CYTH1: variants seen among roughly 807,000 people sequenced by gnomAD.
CYTH1 encodes the protein cytohesin-1.
CYTH1 carries 18 observed loss-of-function variants against 61.8 expected under a neutral mutation model. The observed-to-expected ratio is 0.29, with a 90% confidence interval of 0.20 to 0.43. The LOEUF is 0.43. CYTH1 is among the 20% of genes least tolerant of loss of function. The probability of loss-of-function intolerance (pLI) is 1.00; values close to 1 mark genes in which losing one functional copy is unlikely to be tolerated. For missense variants in CYTH1, 336 were observed against 510.5 expected, an observed-to-expected ratio of 0.66 and a Z score of 3.29; for synonymous variants, 174 against 184.3, an observed-to-expected ratio of 0.94 and a Z score of 0.45.
chr17:78,696,921 G>T (rs750981114), intron 9 of CYTH1: 1 of 152,176 alleles, frequency 6.6e-6, no homozygotes, highest in African/African-American at 2.4e-5. Flanking sequence ...ATGTGGAAGG[G>T]AAGGCTGCCT....
intron 1 of CYTH1, among the ~76,000 whole-genome samples, chr17:78,781,706 A>G (rs2093518688): frequency 6.6e-6 from 1 of 151,952 alleles, no homozygotes; most frequent in South Asian, 2.1e-4. Context: ...AACTGCGGGG[A>G]ACGCGGGCCC....
intron 1 of CYTH1, among the ~76,000 whole-genome samples, chr17:78,756,875 G>A (rs182064285): frequency 3.3e-5 from 5 of 151,614 alleles, no homozygotes; most frequent in African/African-American, 1.2e-4. Context: ...GATGCTGAGA[G>A]GTTAGGAACA....
chr17:78,779,045 G>A (rs988485595), intron 1 of CYTH1, among the ~76,000 whole-genome samples: 5 of 152,148 alleles, frequency 3.3e-5, no homozygotes, highest in Admixed American at 6.5e-5. Context: ...GTGACCCTCT[G>A]GGTGGGGAAT....
At chr17:78,765,196 G>A (rs550005337) in intron 1 of CYTH1, among the ~76,000 whole-genome samples, 12 of 152,202 alleles carry the variant, frequency 7.9e-5, no homozygotes, top group African/African-American at 2.9e-4. Context: ...AGGAACAGGA[G>A]CAGGATCACC....
chr17:78,737,506 A>C (rs538983296), intron 1 of CYTH1, among the ~76,000 whole-genome samples: 122 of 152,178 alleles, frequency 8.0e-4, no homozygotes, highest in Non-Finnish European at 1.5e-3. Context: ...TCACAATGAG[A>C]TAATAGCCCA....
intron 1 of CYTH1, among the ~76,000 whole-genome samples, chr17:78,744,486 G>A (rs2093352459): frequency 6.6e-6 from 1 of 152,186 alleles, no homozygotes; most frequent in Non-Finnish European, 1.5e-5. Context: ...GTGGGGTGGA[G>A]CATAACAAAG....
Position 78,680,413 on chromosome 17 carries a change from C to T in CYTH1, c.964-69G>A, listed in dbSNP as rs1262469853. On this transcript the variant is annotated intron_variant, in intron 12 of 13. Transcript: ENST00000446868. ...TGTTAACTGAGAAACATGCTGATTT[C>T]TTTCCCCAAAACCCCTTTCTTCTGA... The T allele has an allele frequency of 3.3e-6, 5 of 1,507,572 alleles. No individual in the cohort carries two copies. In the East Asian group the frequency reaches 1.2e-4, roughly 35 times the overall value. 93.4% of individuals were successfully genotyped at this position (1,507,572 alleles called of 1,614,324 possible).
intron 1 of CYTH1, among the ~76,000 whole-genome samples, chr17:78,751,319 C>G (rs1010252573): frequency 1.1e-4 from 16 of 152,146 alleles, no homozygotes; most frequent in African/African-American, 3.9e-4. Flanking sequence ...GCCAACAGCA[C>G]TGTAACTCAT....
intron 1 of CYTH1, 48 bp downstream of exon 1, chr17:78,782,154 G>C: frequency 7.5e-7 from 1 of 1,333,890 alleles, no homozygotes; most frequent in Non-Finnish European, 9.7e-7. Context: ...GCCCGGAGGG[G>C]ACTGGGGGAC....
intron 7 of CYTH1, among the ~76,000 whole-genome samples, chr17:78,699,810 G>C (rs1395443741): frequency 2.0e-5 from 3 of 151,992 alleles, no homozygotes; most frequent in African/African-American, 7.3e-5. Context: ...TTTGAGACAG[G>C]GTCTCACTCT....
intron 1 of CYTH1, among the ~76,000 whole-genome samples, chr17:78,754,923 T>C (rs1228713113): frequency 6.6e-6 from 1 of 152,076 alleles, no homozygotes; most frequent in Non-Finnish European, 1.5e-5. Context: ...AAGGGGAAAA[T>C]GGTCTGTCAC....
chr17:78,693,417 G>T (rs1338474946), intron 10 of CYTH1, among the ~76,000 whole-genome samples: 1 of 152,072 alleles, frequency 6.6e-6, no homozygotes, highest in Non-Finnish European at 1.5e-5. Context: ...GAGGTCAGGA[G>T]TTCAAGACCA....
At chr17:78,732,555 T>A (rs1318524001) in intron 1 of CYTH1, among the ~76,000 whole-genome samples, 1 of 152,232 alleles carries the variant, frequency 6.6e-6, no homozygotes, top group Non-Finnish European at 1.5e-5. Flanking sequence ...TCACAGCAGA[T>A]GGTGATACAG....
intron 1 of CYTH1, among the ~76,000 whole-genome samples, chr17:78,772,916 G>A (rs1278772588): frequency 2.6e-5 from 4 of 151,952 alleles, no homozygotes; most frequent in African/African-American, 9.7e-5. Context: ...TGCAACCTCC[G>A]CCTCCCAGGT....
intron 1 of CYTH1, among the ~76,000 whole-genome samples, chr17:78,736,241 T>C (rs1298147017): frequency 6.6e-6 from 1 of 152,202 alleles, no homozygotes; most frequent in Non-Finnish European, 1.5e-5. Context: ...TCCCAGAAGT[T>C]CTGACCAACT....
intron 1 of CYTH1, among the ~76,000 whole-genome samples, chr17:78,724,675 G>C (rs946864915): frequency 6.6e-6 from 1 of 152,194 alleles, no homozygotes; most frequent in African/African-American, 2.4e-5. Flanking sequence ...GGAAGAGGGG[G>C]TGGAAATCCT....
At chr17:78,716,241 T>G (rs1372858685) in intron 1 of CYTH1, among the ~76,000 whole-genome samples, 3 of 152,150 alleles carry the variant, frequency 2.0e-5, no homozygotes, top group Admixed American at 6.5e-5. Context: ...AAAAAGTGAA[T>G]TAATAGTGGC....
intron 1 of CYTH1, among the ~76,000 whole-genome samples, chr17:78,722,612 TTGG>T (rs2093238381): frequency 6.6e-6 from 1 of 152,206 alleles, no homozygotes; most frequent in Admixed American, 6.5e-5. Context: ...AAAGAGAGGC[TTGG>T]TGGCTTGGAA....
chr17:78,676,086 C>CA lies in CYTH1; in HGVS notation c.*4dup, dbSNP rs1381124993. 1 of 1,605,206 alleles carries CA rather than the reference C, an allele frequency of 6.2e-7. No individual in the cohort carries two copies. The highest frequency in any genetic ancestry group is 1.3e-5 in the African/African-American group (1 of 75,012). On this transcript the variant is annotated 3_prime_UTR_variant, in exon 14 of 14. Coordinates refer to ENST00000446868, the MANE Select transcript of CYTH1 (RefSeq NM_004762.6). ...CCCCGCAGACCAACGCCCTTGGCTG[C>CA]ACGCTCAGTGTCGCTTCGTGGAGGA...
Sources: allele counts gnomAD v4.1 joint callset (sites outside exome capture counted in the v4.1 genomes callset), GRCh38; gene constraint gnomAD v4.1.1; transcripts MANE v1.5; gene names NCBI Gene and HGNC (gene_info 2026-07-23, HGNC 2026-07-21).